WDR93: variants seen among roughly 807,000 people sequenced by gnomAD.
WDR93 encodes WD repeat-containing protein 93.
In WDR93, 73 loss-of-function variants were observed where a neutral mutation model predicts 82.9. That is an observed-to-expected ratio of 0.88 (90% CI 0.73 to 1.07). The LOEUF (loss-of-function observed/expected upper bound fraction) is 1.07, where lower values mean the gene tolerates loss of function less well. Among genes scored for constraint, WDR93 ranks in the 50% least tolerant of loss-of-function variants. The probability of loss-of-function intolerance (pLI) is 0.00; values close to 1 mark genes in which losing one functional copy is unlikely to be tolerated. For synonymous variants in WDR93, 283 were observed against 300.1 expected (o/e 0.94, Z 0.59); for missense variants, 738 against 826.0 (o/e 0.89, Z 1.31).
chr15:89,703,452 A>T, intron 3 of WDR93: 1 of 396,306 alleles, frequency 2.5e-6, no homozygotes, highest in Non-Finnish European at 4.6e-6. Flanking sequence ...CAGGCTTCAA[A>T]CCAGGCAGTA....
At chr15:89,697,403 G>A (rs75177657) in intron 1 of WDR93, among the ~76,000 whole-genome samples, 290 of 152,244 alleles carry the variant, frequency 1.9e-3, no homozygotes, top group African/African-American at 6.5e-3. Context: ...ATTAAGAAGC[G>A]TGTTAGTTTC....
At chr15:89,729,925 C>T (rs897093192) in intron 11 of WDR93, among the ~76,000 whole-genome samples, 156 bp downstream of exon 11, 3 of 152,070 alleles carry the variant, frequency 2.0e-5, no homozygotes, top group Non-Finnish European at 2.9e-5. Context: ...GTAGTGTGAC[C>T]GCAAGAATCT....
At chr15:89,737,893 C>T in intron 15 of WDR93, 148 bp from the exon 16 acceptor site, 1 of 1,308,096 alleles carries the variant, frequency 7.6e-7, no homozygotes, top group East Asian at 2.3e-5. Context: ...GATAAAATGC[C>T]AGCAGGGTCT....
chr15:89,690,846 C>T lies in WDR93; in HGVS notation c.-52C>T, dbSNP rs1269670221. 3.6e-6 allele frequency: 2 copies of T among 551,352 alleles called. No individual in the cohort carries two copies. The highest frequency in any genetic ancestry group is 3.2e-5 in the East Asian group (1 of 31,486). 34.2% of individuals were successfully genotyped at this position (551,352 alleles called of 1,614,324 possible). ...TTGTGGTTACCAAGGCGACGCAACG[C>T]CGCCCGGCCAGGTGAGCAAAACTGA... On this transcript the variant is annotated 5_prime_UTR_variant, in exon 1 of 17. Coordinates refer to ENST00000268130, the MANE Select transcript of WDR93 (RefSeq NM_020212.2).
rs1965273830 is a variant in WDR93 at position 89,698,042 on chromosome 15, G to A, written c.-40-3665G>A. On this transcript the variant is annotated intron_variant, in intron 1 of 16. Coordinates refer to ENST00000268130, the MANE Select transcript of WDR93 (RefSeq NM_020212.2). ...CTACAGGCGCCTACCACCACGCCCGGCTGATTTTTTTTTTTGTAATTTTAG... is the reference window on the plus strand; with the variant it reads ...CTACAGGCGCCTACCACCACGCCCGACTGATTTTTTTTTTTGTAATTTTAG... Among the ~76,000 whole-genome samples the A allele has an allele frequency of 2.6e-5, 4 of 151,542 alleles. No homozygotes were observed. The South Asian group carries it at 8.3e-4, about 32-fold the overall frequency.
At chr15:89,699,819 T>C (rs1198521110) in intron 1 of WDR93, among the ~76,000 whole-genome samples, 1 of 152,232 alleles carries the variant, frequency 6.6e-6, no homozygotes, top group Non-Finnish European at 1.5e-5. Context: ...TAGAAAGATA[T>C]AGATATAACA....
At chr15:89,704,323 A>G (rs948724896) in intron 3 of WDR93, 1 of 152,164 alleles carries the variant, frequency 6.6e-6, no homozygotes, top group Non-Finnish European at 1.5e-5. Context: ...ATGAGACTCC[A>G]TCTCAAAAAA....
In WDR93 at chr15:89,722,852, A is replaced by T. The variant is rs74807740; in HGVS notation, c.880+713A>T. ...CCTGGTGGACTAGTAGTTACGATTA[A>T]AAAAAAAAACCAGAAAAATGTTTAC... On this transcript the variant is annotated intron_variant, in intron 8 of 16. Coordinates refer to ENST00000268130, the MANE Select transcript of WDR93 (RefSeq NM_020212.2). 1.4e-4 allele frequency among the ~76,000 whole-genome samples: 7 copies of T among 50,172 alleles called. No homozygotes were observed. The East Asian group carries it at 2.2e-3, about 16-fold the overall frequency. 32.9% of individuals were successfully genotyped at this position (50,172 alleles called of 152,430 possible).
chr15:89,718,615 A>G (rs1966370975), intron 7 of WDR93, among the ~76,000 whole-genome samples: 1 of 152,214 alleles, frequency 6.6e-6, no homozygotes, highest in African/African-American at 2.4e-5. Flanking sequence ...TGACAGAGCA[A>G]GACCCTGTCT....
intron 5 of WDR93, among the ~76,000 whole-genome samples, chr15:89,712,419 T>G (rs1356113960): frequency 2.2e-5 from 3 of 134,122 alleles, no homozygotes; most frequent in Non-Finnish European, 4.9e-5. Context: ...TTTTTTTTTT[T>G]GCTCCAAAGT....
intron 8 of WDR93, among the ~76,000 whole-genome samples, chr15:89,725,867 T>C (rs1217110792): frequency 6.6e-6 from 1 of 152,202 alleles, no homozygotes; most frequent in African/African-American, 2.4e-5. Flanking sequence ...CAGCCGATGT[T>C]CTATTTCTTG....
At chr15:89,733,295 C>T in intron 13 of WDR93, 76 bp downstream of exon 13, 1 of 1,401,130 alleles carries the variant, frequency 7.1e-7, no homozygotes, top group Non-Finnish European at 9.8e-7. Context: ...TAAAATCTGA[C>T]AGCCTCTCTG....
At chr15:89,729,367 G>T (rs1966842063) in intron 10 of WDR93, among the ~76,000 whole-genome samples, 1 of 152,138 alleles carries the variant, frequency 6.6e-6, no homozygotes, top group Non-Finnish European at 1.5e-5. Flanking sequence ...TTCTGGATAT[G>T]AGTTTGTCTT....
rs754854129 is a variant in WDR93 at position 89,743,333 on chromosome 15, A to C, written c.2003A>C (p.His668Pro). The C allele has an allele frequency of 1.2e-6, 2 of 1,614,198 alleles. No homozygotes were observed. Among genetic ancestry groups the C allele is most frequent in the South Asian group, 2.2e-5 (2 of 91,084 alleles). ...LEKNPEKEEE[H>P]WARLQRYSLS... Reference sequence around the variant, plus strand: ...AAGAACCCAGAGAAGGAGGAGGAGCACTGGGCCCGGCTTCAGAGGTACTCC... The same window carrying C: ...AAGAACCCAGAGAAGGAGGAGGAGCCCTGGGCCCGGCTTCAGAGGTACTCC... Residue 668 changes from histidine to proline, a missense_variant, in exon 17 of 17, where the codon CAC becomes CCC. Coordinates refer to ENST00000268130, the MANE Select transcript of WDR93 (RefSeq NM_020212.2).
intron 13 of WDR93, 124 bp from the exon 14 acceptor site, chr15:89,735,366 T>G: frequency 1.1e-6 from 1 of 940,222 alleles, no homozygotes. Flanking sequence ...TTTGCTACTA[T>G]GAACAGCCTC....
chr15:89,737,776 T>C, intron 15 of WDR93, 47 bp downstream of exon 15: 1 of 1,610,422 alleles, frequency 6.2e-7, no homozygotes, highest in Non-Finnish European at 8.5e-7. Flanking sequence ...TTTCCCTGAC[T>C]TAGTTCTCTC....
At chr15:89,732,750 C>T (rs1405372818) in intron 12 of WDR93, among the ~76,000 whole-genome samples, 6 of 152,146 alleles carry the variant, frequency 3.9e-5, no homozygotes, top group African/African-American at 1.4e-4. Context: ...CACTCCAGTG[C>T]TGACCCTGCC....
chr15:89,736,578 G>A (rs1967192395), intron 14 of WDR93, among the ~76,000 whole-genome samples: 1 of 152,042 alleles, frequency 6.6e-6, no homozygotes, highest in African/African-American at 2.4e-5. Context: ...AGGGAAAACT[G>A]CATGGGGACA....
At chr15:89,737,962 C>T in intron 15 of WDR93, 79 bp from the exon 16 acceptor site, 1 of 1,445,082 alleles carries the variant, frequency 6.9e-7, no homozygotes, top group South Asian at 1.3e-5. Context: ...GAGAGCAGCC[C>T]CCACCTGCTC....
Sources: allele counts gnomAD v4.1 joint callset (sites outside exome capture counted in the v4.1 genomes callset), GRCh38; gene constraint gnomAD v4.1.1; transcripts MANE v1.5; gene names NCBI Gene and HGNC (gene_info 2026-07-23, HGNC 2026-07-21).